Variants in ECPAS observed in about 807,000 individuals in gnomAD.
The protein encoded by ECPAS is Ecm29 proteasome adaptor and scaffold.
Under a neutral mutation model 255.1 loss-of-function variants are expected in ECPAS, and 70 were observed. The observed-to-expected ratio is 0.27, with a 90% CI of 0.23 to 0.33. The LOEUF is 0.33. ECPAS is among the 10% of genes least tolerant of loss of function. The probability of loss-of-function intolerance (pLI) is 1.00; values close to 1 mark genes in which losing one functional copy is unlikely to be tolerated. For synonymous variants in ECPAS, 784 were observed against 775.0 expected (o/e 1.01, Z -0.19); for missense variants, 1,817 against 2,206.4 (o/e 0.82, Z 3.54).
At chr9:111,429,940 C>T (rs774987443) in intron 9 of ECPAS, among the ~76,000 whole-genome samples, 33 of 152,266 alleles carry the variant, frequency 2.2e-4, no homozygotes, top group Non-Finnish European at 4.1e-4. Context: ...AAAGAACTCA[C>T]GTTAGTAAGG....
rs541848010 is a variant in ECPAS, at chr9:111,403,318, G to A, written c.2652+5253C>T. Among the ~76,000 whole-genome samples, 3 of 151,394 alleles carry A rather than the reference G, an allele frequency of 2.0e-5. No homozygotes were observed. In the South Asian group the frequency reaches 6.2e-4, roughly 32 times the overall value. ...GAGGCTGCACTGAGCTGAGATTGCTGCACTCCAGCCTGGACAATGGAGCGA... is the reference window on the plus strand; with the variant it reads ...GAGGCTGCACTGAGCTGAGATTGCTACACTCCAGCCTGGACAATGGAGCGA... On this transcript the variant is annotated intron_variant, in intron 24 of 49. Transcript: ENST00000684092.
At chr9:111,391,877 A>C in intron 28 of ECPAS, 53 bp from the exon 29 acceptor site, 1 of 1,104,402 alleles carries the variant, frequency 9.1e-7, no homozygotes, top group Middle Eastern at 2.0e-4. Context: ...ACCAACATTC[A>C]ACTAGCCAAT....
At chr9:111,395,924 G>A (rs1016002947) in intron 25 of ECPAS, among the ~76,000 whole-genome samples, 13 of 152,072 alleles carry the variant, frequency 8.5e-5, no homozygotes, top group East Asian at 5.8e-4. Context: ...TTCAGCTTCC[G>A]TCAATCCACA....
In ECPAS at chr9:111,369,020, G is replaced by C; in HGVS notation, c.5113+15C>G. The C allele has an allele frequency of 6.5e-7, 1 of 1,538,988 alleles. No homozygotes were observed. The highest frequency in any genetic ancestry group is 8.7e-7 in the Non-Finnish European group (1 of 1,151,580). ...CTCTGGTTACAGCACTTCAAATGCAGTTTCTGGTGCTTACGTTGGGTCTCC... is the reference window on the plus strand; with the variant it reads ...CTCTGGTTACAGCACTTCAAATGCACTTTCTGGTGCTTACGTTGGGTCTCC... On this transcript the variant is annotated intron_variant, in intron 46 of 49. Coordinates refer to ENST00000684092, the MANE Select transcript of ECPAS (RefSeq NM_001364929.1).
intron 7 of ECPAS, among the ~76,000 whole-genome samples, chr9:111,435,734 C>T (rs2131868968): frequency 6.8e-6 from 1 of 147,014 alleles, no homozygotes; most frequent in South Asian, 2.1e-4. Flanking sequence ...GGCTGGAGTG[C>T]AGTGGCACGA....
intron 2 of ECPAS, among the ~76,000 whole-genome samples, chr9:111,472,519 T>C (rs1422430614): frequency 1.3e-5 from 2 of 151,396 alleles, no homozygotes; most frequent in African/African-American, 4.9e-5. Flanking sequence ...GCACCTGTAG[T>C]CCCAGCTACT....
intron 27 of ECPAS, among the ~76,000 whole-genome samples, chr9:111,393,413 G>C (rs926968063): frequency 1.3e-5 from 2 of 152,112 alleles, no homozygotes; most frequent in Admixed American, 6.5e-5. Flanking sequence ...GAAGGCCTCG[G>C]CTCCATTTTA....
chr9:111,365,744 T>TA (rs914439124), intron 48 of ECPAS: 1 of 152,816 alleles, frequency 6.5e-6, no homozygotes, highest in Non-Finnish European at 1.5e-5. Context: ...ACATTTGATT[T>TA]AAAAAACTGC....
In ECPAS at chr9:111,384,579, A is replaced by G; in HGVS notation, c.3634-10T>C. ...CTTTTCGTACAGATTCCTAAAAATGACAAAAGTGTGACATCATACAAGTTA... is the reference window on the plus strand; with the variant it reads ...CTTTTCGTACAGATTCCTAAAAATGGCAAAAGTGTGACATCATACAAGTTA... On this transcript the variant is annotated splice_polypyrimidine_tract_variant and intron_variant, in intron 33 of 49. Coordinates refer to ENST00000684092, the MANE Select transcript of ECPAS (RefSeq NM_001364929.1). 1.2e-6 allele frequency: 2 copies of G among 1,613,500 alleles called. No homozygotes were observed. Among genetic ancestry groups the G allele is most frequent in the Non-Finnish European group, 1.7e-6 (2 of 1,179,486 alleles).
Position 111,440,499 on chromosome 9 carries a change from T to A in ECPAS, c.412A>T (p.Thr138Ser), listed in dbSNP as rs769789015. The A allele has an allele frequency of 6.2e-6, 10 of 1,608,958 alleles. No individual in the cohort carries two copies. The highest frequency in any genetic ancestry group is 8.5e-6 in the Non-Finnish European group (10 of 1,176,920). ...ACAGGGTATTTCATGTGAAAAAGGG[T>A]TGGTATTAAAAGATGCATTAAGCTG... The part of the protein sequence containing the change: ...QDSLMHLLIP[T>S]LFHMKYPVES... Residue 138 changes from threonine to serine, a missense_variant, in exon 6 of 50, where the codon ACC becomes TCC. Thr to Ser is a moderately conservative substitution (Grantham distance 58). This residue lies in a region of ECPAS where 573 missense variants were observed against 716.2 expected (regional missense o/e 0.80). Transcript: ENST00000684092.
intron 2 of ECPAS, among the ~76,000 whole-genome samples, chr9:111,456,485 T>C (rs910913768): frequency 6.6e-6 from 1 of 152,208 alleles, no homozygotes; most frequent in African/African-American, 2.4e-5. Flanking sequence ...ATACTGTACA[T>C]ACTACACCTT....
intron 22 of ECPAS, 106 bp downstream of exon 22, chr9:111,410,872 TTG>T (rs1385863779): frequency 3.4e-6 from 4 of 1,162,870 alleles, no homozygotes; most frequent in Non-Finnish European, 4.9e-6. Flanking sequence ...GTGAAAAAGC[TTG>T]TGTCTTTTCA....
intron 2 of ECPAS, among the ~76,000 whole-genome samples, chr9:111,459,990 TAA>T (rs2098271289): frequency 6.6e-6 from 1 of 151,838 alleles, no homozygotes; most frequent in South Asian, 2.1e-4. Flanking sequence ...CCCAGAAAGA[TAA>T]AAGCAAATAA....
In ECPAS at chr9:111,368,308, T is replaced by C. The variant is rs577912535; in HGVS notation, c.5113+727A>G. ...AAATTGTCCAAATAGTAATGAGTTT[T>C]TCACTGAAACAGGGATTTCAGTTGC... On this transcript the variant is annotated intron_variant, in intron 46 of 49. Transcript: ENST00000684092. Among the ~76,000 whole-genome samples, 4 of 152,258 alleles carry C rather than the reference T, an allele frequency of 2.6e-5. No individual in the cohort carries two copies. The South Asian group carries it at 8.3e-4, about 32-fold the overall frequency.
intron 35 of ECPAS, among the ~76,000 whole-genome samples, chr9:111,379,986 C>T (rs543078609): frequency 1.3e-5 from 2 of 152,208 alleles, no homozygotes; most frequent in South Asian, 4.1e-4. Flanking sequence ...CTATTAATGA[C>T]ATTTTGACCT....
chr9:111,473,702 C>T (rs1449778201), intron 1 of ECPAS, among the ~76,000 whole-genome samples: 2 of 152,210 alleles, frequency 1.3e-5, no homozygotes, highest in African/African-American at 2.4e-5. Flanking sequence ...CACGGTGGCT[C>T]ACGCCTGTAA....
chr9:111,453,221 T>C (rs1416983627), intron 2 of ECPAS, among the ~76,000 whole-genome samples: 1 of 152,042 alleles, frequency 6.6e-6, no homozygotes, highest in Non-Finnish European at 1.5e-5. Flanking sequence ...CACTCCAGCA[T>C]GGGTGACACA....
intron 3 of ECPAS, among the ~76,000 whole-genome samples, chr9:111,450,906 T>TA (rs2098259416): frequency 6.6e-6 from 1 of 152,170 alleles, no homozygotes; most frequent in Non-Finnish European, 1.5e-5. Context: ...GCCTGGGTGA[T>TA]AGAGTGAGAC....
chr9:111,472,864 AT>A, intron 2 of ECPAS, 32 bp downstream of exon 2: 1 of 790,688 alleles, frequency 1.3e-6, no homozygotes, highest in Non-Finnish European at 1.8e-6. Flanking sequence ...TACAAAAAAA[AT>A]GCACACATCC....
Sources: allele counts gnomAD v4.1 joint callset (sites outside exome capture counted in the v4.1 genomes callset), GRCh38; gene constraint gnomAD v4.1.1; regional missense constraint gnomAD v4.1.1; transcripts MANE v1.5; gene names NCBI Gene and HGNC (gene_info 2026-07-23, HGNC 2026-07-21).